Variants in PCBP1 observed in about 807,000 individuals in gnomAD.
The protein encoded by PCBP1 is poly(rC)-binding protein 1.
For missense variants in PCBP1, 244 were observed against 474.4 expected (o/e 0.51, Z 4.51); for synonymous variants, 284 against 195.8 (o/e 1.45, Z -3.76).
chr2:70,087,708 G>A lies in PCBP1; in HGVS notation c.-36G>A. On this transcript the variant is annotated 5_prime_UTR_variant, in exon 1 of 1. Coordinates refer to ENST00000303577, the MANE Select transcript of PCBP1 (RefSeq NM_006196.4). ...GCCGCCAAAGACTTGACCACGTAAC[G>A]AGCCCAACTCCCCCGAACGCCGCCC... The A allele has an allele frequency of 7.2e-7, 1 of 1,391,294 alleles. No individual in the cohort carries two copies. The highest frequency in any genetic ancestry group is 1.4e-5 in the African/African-American group (1 of 69,236). The allele number at this position is 1,391,294 out of a possible 1,614,324, so 86.2% of individuals were successfully genotyped here. A position where few individuals can be genotyped will look rare whatever the true frequency, so the allele number is the denominator to read the frequency against.
In PCBP1 at chr2:70,088,367, C is replaced by T. The variant is rs746490232; in HGVS notation, c.624C>T (p.Pro208=). The change falls in exon 1 of 1, where the codon CCC becomes CCT. Residue 208 remains proline, a synonymous_variant. Coordinates refer to ENST00000303577, the MANE Select transcript of PCBP1 (RefSeq NM_006196.4). The surrounding 1 kb of genome is among the most constrained non-coding windows in gnomAD (Gnocchi z 4.5). ...GGTGCAGCGACGCTGCGGGCTACCC[C>T]CATGCCACCCATGACCTGGAGGGAC... is the stretch of plus-strand genomic sequence containing the variant. ...QDRCSDAAGY[P]HATHDLEGPP... is the part of the protein sequence containing the mutation. 2.5e-6 allele frequency: 4 copies of T among 1,613,898 alleles called. No homozygotes were observed. The highest frequency in any genetic ancestry group is 2.7e-5 in the African/African-American group (2 of 74,950).
In PCBP1 at chr2:70,087,756, G is replaced by A. The variant is rs1443310840; in HGVS notation, c.13G>A (p.Val5Met). The change falls in exon 1 of 1, where the codon GTG (valine) becomes ATG (methionine). Residue 5 changes from valine to methionine, a missense_variant. Physicochemically the swap from Val to Met is conservative, Grantham distance 21. Coordinates refer to ENST00000303577, the MANE Select transcript of PCBP1 (RefSeq NM_006196.4). MDAG[V>M]TESGLNVTLT... The stretch of plus-strand genomic sequence containing the variant: ...CCCGCCGCTCGCCATGGATGCCGGT[G>A]TGACTGAAAGTGGACTAAATGTGAC... 3 of 1,546,702 alleles carry A rather than the reference G, an allele frequency of 1.9e-6. No homozygotes were observed. The African/African-American group carries it at 4.1e-5, about 21-fold the overall frequency.
Position 70,087,722 on chromosome 2 carries a change from C to G in PCBP1, c.-22C>G, listed in dbSNP as rs577388341. On this transcript the variant is annotated 5_prime_UTR_variant, in exon 1 of 1. Coordinates refer to ENST00000303577, the MANE Select transcript of PCBP1 (RefSeq NM_006196.4). ...GACCACGTAACGAGCCCAACTCCCC[C>G]GAACGCCGCCCGCCGCTCGCCATGG... 3 of 1,506,928 alleles carry G rather than the reference C, an allele frequency of 2.0e-6. No homozygotes were observed. Among genetic ancestry groups the G allele is most frequent in the Admixed American group, 2.0e-5 (1 of 49,482 alleles). 93.3% of individuals were successfully genotyped at this position (1,506,928 alleles called of 1,614,324 possible). A position where few individuals can be genotyped will look rare whatever the true frequency, so the allele number is the denominator to read the frequency against.
In PCBP1 at chr2:70,087,604, GCCCGCTCCCGCTCGCT is replaced by G; in HGVS notation, c.-134_-119del. 1 of 370,622 alleles carries G rather than the reference GCCCGCTCCCGCTCGCT, an allele frequency of 2.7e-6. No individual in the cohort carries two copies. The highest frequency in any genetic ancestry group is 4.6e-6 in the Non-Finnish European group (1 of 218,810). The allele number at this position is 370,622 out of a possible 1,614,324, so 23.0% of individuals were successfully genotyped here. On this transcript the variant is annotated 5_prime_UTR_variant, in exon 1 of 1. Coordinates refer to ENST00000303577, the MANE Select transcript of PCBP1 (RefSeq NM_006196.4). ...CCCTGCGACTACGCTGCGGCCTCCC[GCCCGCTCCCGCTCGCT>G]CCCGCGGCCCTCGCTCGCCTCGCGC...
rs1278920103 is a variant in PCBP1, at chr2:70,087,692, G to A, written c.-52G>A. The A allele has an allele frequency of 4.7e-6, 6 of 1,284,204 alleles. No individual in the cohort carries two copies. Among genetic ancestry groups the A allele is most frequent in the African/African-American group, 1.5e-5 (1 of 67,058 alleles). 79.6% of individuals were successfully genotyped at this position (1,284,204 alleles called of 1,614,324 possible). ...TCCCCTCCCCCCGCCAGCCGCCAAA[G>A]ACTTGACCACGTAACGAGCCCAACT... On this transcript the variant is annotated 5_prime_UTR_variant, in exon 1 of 1. Transcript: ENST00000303577.
At position 70,088,539 on chromosome 2, in the gene PCBP1, G is replaced by A; in HGVS notation, c.796G>A (p.Glu266Lys). The part of the protein sequence containing the change: ...GFAGIDSSSP[E>K]VKGYWASLDA... The stretch of plus-strand genomic sequence containing the variant: ...CGCCGGAATTGACTCCAGCTCTCCA[G>A]AGGTGAAAGGCTATTGGGCAAGTTT... Residue 266 changes from glutamate to lysine, a missense_variant, in exon 1 of 1, where the codon GAG becomes AAG. Coordinates refer to ENST00000303577, the MANE Select transcript of PCBP1 (RefSeq NM_006196.4). The surrounding 1 kb of genome is among the most constrained non-coding windows in gnomAD (Gnocchi z 4.5). 6.2e-7 allele frequency: 1 copy of A among 1,614,272 alleles called. No individual in the cohort carries two copies. The highest frequency in any genetic ancestry group is 8.5e-7 in the Non-Finnish European group (1 of 1,180,060).
In PCBP1 at chr2:70,087,884, C is replaced by T. The variant is rs1387617414; in HGVS notation, c.141C>T (p.Ile47=). 6 of 1,612,202 alleles carry T rather than the reference C, an allele frequency of 3.7e-6. No homozygotes were observed. The highest frequency in any genetic ancestry group is 5.1e-6 in the Non-Finnish European group (6 of 1,178,726). ...KRIREESGAR[I]NISEGNCPER... ...TCCGCGAGGAGAGTGGCGCGCGGATCAACATCTCGGAGGGGAATTGTCCGG... is the reference window on the plus strand; with the variant it reads ...TCCGCGAGGAGAGTGGCGCGCGGATTAACATCTCGGAGGGGAATTGTCCGG... The change falls in exon 1 of 1, where the codon ATC becomes ATT. Residue 47 remains isoleucine, a synonymous_variant. Coordinates refer to ENST00000303577, the MANE Select transcript of PCBP1 (RefSeq NM_006196.4).
At position 70,088,031 on chromosome 2, in the gene PCBP1, C is replaced by T; in HGVS notation, c.288C>T (p.Pro96=). ...CCAACAGTACCGCGGCCAGCAGGCC[C>T]CCGGTCACCCTGAGGCTGGTGGTGC... ...SMTNSTAASR[P]PVTLRLVVPA... The change falls in exon 1 of 1, where the codon CCC becomes CCT. Residue 96 remains proline, a synonymous_variant. Transcript: ENST00000303577. The surrounding 1 kb of genome is among the most constrained non-coding windows in gnomAD (Gnocchi z 4.5). 5 of 1,613,790 alleles carry T rather than the reference C, an allele frequency of 3.1e-6. No individual in the cohort carries two copies. Among genetic ancestry groups the T allele is most frequent in the Non-Finnish European group, 4.2e-6 (5 of 1,180,010 alleles).
rs771618180 is a variant in PCBP1 at position 70,087,714 on chromosome 2, A to C, written c.-30A>C. ...AAAGACTTGACCACGTAACGAGCCC[A>C]ACTCCCCCGAACGCCGCCCGCCGCT... On this transcript the variant is annotated 5_prime_UTR_variant, in exon 1 of 1. Transcript: ENST00000303577. 2.1e-6 allele frequency: 3 copies of C among 1,446,560 alleles called. No individual in the cohort carries two copies. Among genetic ancestry groups the C allele is most frequent in the Admixed American group, 4.1e-5 (2 of 48,410 alleles). 89.6% of individuals were successfully genotyped at this position (1,446,560 alleles called of 1,614,324 possible). A position where few individuals can be genotyped will look rare whatever the true frequency, so the allele number is the denominator to read the frequency against.
Position 70,087,649 on chromosome 2 carries a change from C to A in PCBP1, c.-95C>A. ...GCGGCCCTCGCTCGCCTCGCGCCGGCAGTTTTGGGCCTACACCTCCCCTCC... is the reference window on the plus strand; with the variant it reads ...GCGGCCCTCGCTCGCCTCGCGCCGGAAGTTTTGGGCCTACACCTCCCCTCC... On this transcript the variant is annotated 5_prime_UTR_variant, in exon 1 of 1. Coordinates refer to ENST00000303577, the MANE Select transcript of PCBP1 (RefSeq NM_006196.4). 1 of 742,182 alleles carries A rather than the reference C, an allele frequency of 1.3e-6. No individual in the cohort carries two copies. The highest frequency in any genetic ancestry group is 2.1e-6 in the Non-Finnish European group (1 of 477,952). 46.0% of individuals were successfully genotyped at this position (742,182 alleles called of 1,614,324 possible).
Position 70,087,693 on chromosome 2 carries a change from A to G in PCBP1, c.-51A>G, listed in dbSNP as rs374267838. 9.1e-5 allele frequency: 116 copies of G among 1,278,068 alleles called. No individual in the cohort carries two copies. Among genetic ancestry groups the G allele is most frequent in the Non-Finnish European group, 1.2e-4 (108 of 918,742 alleles). The allele number at this position is 1,278,068 out of a possible 1,614,324, so 79.2% of individuals were successfully genotyped here. ...CCCCTCCCCCCGCCAGCCGCCAAAG[A>G]CTTGACCACGTAACGAGCCCAACTC... On this transcript the variant is annotated 5_prime_UTR_variant, in exon 1 of 1. Coordinates refer to ENST00000303577, the MANE Select transcript of PCBP1 (RefSeq NM_006196.4).
At position 70,088,115 on chromosome 2, in the gene PCBP1, C is replaced by T. The variant is rs1671364666; in HGVS notation, c.372C>T (p.Arg124=). 6.2e-7 allele frequency: 1 copy of T among 1,613,790 alleles called. No individual in the cohort carries two copies. The highest frequency in any genetic ancestry group is 1.1e-5 in the South Asian group (1 of 91,078). ...GKGGCKIKEI[R]ESTGAQVQVA... ...GCGGGTGTAAGATCAAAGAGATCCG[C>T]GAGAGTACGGGGGCGCAGGTCCAGG... Residue 124 remains arginine (R), a synonymous_variant, in exon 1 of 1, where the codon CGC becomes CGT. Transcript: ENST00000303577. The surrounding 1 kb of genome is among the most constrained non-coding windows in gnomAD (Gnocchi z 4.5).
In PCBP1 at chr2:70,089,164, A is replaced by C; in HGVS notation, c.*350A>C. Reference sequence around the variant, plus strand: ...AATTAAAAAACGGATTGGTTAAAAAATGCTTCATATTTGAAAAAGCTGGGA... The same window carrying C: ...AATTAAAAAACGGATTGGTTAAAAACTGCTTCATATTTGAAAAAGCTGGGA... On this transcript the variant is annotated 3_prime_UTR_variant, in exon 1 of 1. Coordinates refer to ENST00000303577, the MANE Select transcript of PCBP1 (RefSeq NM_006196.4). 1 of 221,980 alleles carries C rather than the reference A, an allele frequency of 4.5e-6. No individual in the cohort carries two copies. Among genetic ancestry groups the C allele is most frequent in the Admixed American group, 5.2e-5 (1 of 19,244 alleles). 13.8% of individuals were successfully genotyped at this position (221,980 alleles called of 1,614,324 possible).
chr2:70,088,628 C>T lies in PCBP1; in HGVS notation c.885C>T (p.Ile295=), dbSNP rs1262449693. The change falls in exon 1 of 1, where the codon ATC becomes ATT. Residue 295 remains isoleucine (I), a synonymous_variant. Coordinates refer to ENST00000303577, the MANE Select transcript of PCBP1 (RefSeq NM_006196.4). The surrounding 1 kb of genome is among the most constrained non-coding windows in gnomAD (Gnocchi z 4.5). ...CAAATAACTTAATTGGCTGCATAAT[C>T]GGGCGCCAAGGCGCCAACATTAATG... The part of the protein sequence containing the change: ...TIPNNLIGCI[I]GRQGANINEI... The T allele has an allele frequency of 4.3e-6, 7 of 1,614,236 alleles. No homozygotes were observed. The highest frequency in any genetic ancestry group is 1.6e-4 in the Middle Eastern group (1 of 6,062).
Position 70,088,841 on chromosome 2 carries a change from C to T in PCBP1, c.*27C>T, listed in dbSNP as rs1271251023. 10 of 1,500,914 alleles carry T rather than the reference C, an allele frequency of 6.7e-6. No individual in the cohort carries two copies. The highest frequency in any genetic ancestry group is 8.2e-6 in the Non-Finnish European group (9 of 1,094,750). The allele number at this position is 1,500,914 out of a possible 1,614,324, so 93.0% of individuals were successfully genotyped here. Reference sequence around the variant, plus strand: ...ACAGTGTAGGTTCCCTCAATAACCCCTTTCTGCTGTTCTCCCATGATCCAA... The same window carrying T: ...ACAGTGTAGGTTCCCTCAATAACCCTTTTCTGCTGTTCTCCCATGATCCAA... On this transcript the variant is annotated 3_prime_UTR_variant, in exon 1 of 1. Coordinates refer to ENST00000303577, the MANE Select transcript of PCBP1 (RefSeq NM_006196.4). This position sits in a 1 kb window ranked among gnomAD's most constrained non-coding sequence, Gnocchi z 4.5.
Position 70,088,317 on chromosome 2 carries a change from G to A in PCBP1, c.574G>A (p.Val192Ile). The A allele has an allele frequency of 6.2e-7, 1 of 1,613,864 alleles. No individual in the cohort carries two copies. The highest frequency in any genetic ancestry group is 1.1e-5 in the South Asian group (1 of 91,090). Reference sequence around the variant, plus strand: ...CCAGCCCATGCCGGCCAGCTCCCCAGTCATCTGCGCGGGCGGCCAAGATCG... The same window carrying A: ...CCAGCCCATGCCGGCCAGCTCCCCAATCATCTGCGCGGGCGGCCAAGATCG... Reference protein sequence around the residue: ...PYQPMPASSPVICAGGQDRCS... With the variant: ...PYQPMPASSPIICAGGQDRCS... Residue 192 changes from valine to isoleucine, a missense_variant, in exon 1 of 1, where the codon GTC becomes ATC. Coordinates refer to ENST00000303577, the MANE Select transcript of PCBP1 (RefSeq NM_006196.4). The surrounding 1 kb of genome is among the most constrained non-coding windows in gnomAD (Gnocchi z 4.5).
Position 70,088,420 on chromosome 2 carries a change from GACA to G in PCBP1, c.681_683del (p.Gln227del). 1.9e-6 allele frequency: 3 copies of G among 1,614,144 alleles called. No individual in the cohort carries two copies. The highest frequency in any genetic ancestry group is 2.5e-6 in the Non-Finnish European group (3 of 1,180,038). On this transcript the variant is annotated inframe_deletion, in exon 1 of 1. Coordinates refer to ENST00000303577, the MANE Select transcript of PCBP1 (RefSeq NM_006196.4). The surrounding 1 kb of genome is among the most constrained non-coding windows in gnomAD (Gnocchi z 4.5). Reference sequence around the variant, plus strand: ...CCTCTAGATGCCTACTCGATTCAAGGACAACACACCATTTCTCCGCTCGATCTG... The same window carrying G: ...CCTCTAGATGCCTACTCGATTCAAGGACACACCATTTCTCCGCTCGATCTG...
rs757330525 is a variant in PCBP1, at chr2:70,088,839, C to T, written c.*25C>T. 6.6e-7 allele frequency: 1 copy of T among 1,510,604 alleles called. No individual in the cohort carries two copies. The highest frequency in any genetic ancestry group is 9.1e-7 in the Non-Finnish European group (1 of 1,102,506). The allele number at this position is 1,510,604 out of a possible 1,614,324, so 93.6% of individuals were successfully genotyped here. On this transcript the variant is annotated 3_prime_UTR_variant, in exon 1 of 1. Transcript: ENST00000303577. This position sits in a 1 kb window ranked among gnomAD's most constrained non-coding sequence, Gnocchi z 4.5. ...GAACAGTGTAGGTTCCCTCAATAAC[C>T]CCTTTCTGCTGTTCTCCCATGATCC...
Position 70,088,500 on chromosome 2 carries a change from G to C in PCBP1, c.757G>C (p.Gly253Arg), listed in dbSNP as rs1438384088. 1 of 1,614,258 alleles carries C rather than the reference G, an allele frequency of 6.2e-7. No individual in the cohort carries two copies. Among genetic ancestry groups the C allele is most frequent in the South Asian group, 1.1e-5 (1 of 91,086 alleles). ...RQQSHFAMMH[G>R]GTGFAGIDSS... is the part of the protein sequence containing the mutation. ...ACAGTCTCACTTTGCCATGATGCAC[G>C]GCGGGACCGGATTCGCCGGAATTGA... The change falls in exon 1 of 1, where the codon GGC becomes CGC. Residue 253 changes from glycine (G) to arginine (R), a missense_variant. Transcript: ENST00000303577. This position sits in a 1 kb window ranked among gnomAD's most constrained non-coding sequence, Gnocchi z 4.5.
Sources: allele counts gnomAD v4.1 joint callset, GRCh38; gene constraint gnomAD v4.1.1; non-coding constraint Gnocchi (gnomAD v3.1); transcripts MANE v1.5; gene names NCBI Gene and HGNC (gene_info 2026-07-23, HGNC 2026-07-21).